SOX6: variants seen among roughly 807,000 people sequenced by gnomAD.
SOX6 encodes SRY-box transcription factor 6.
SOX6 carries 11 observed loss-of-function variants against 97.8 expected under a neutral mutation model. The ratio of observed to expected loss-of-function variants is 0.11; its 90% CI spans 0.07 to 0.19. SOX6 has a LOEUF of 0.19. SOX6 is among the 10% of genes least tolerant of loss of function. SOX6 has a pLI of 1.00. For synonymous variants in SOX6, 360 were observed against 371.4 expected (o/e 0.97, Z 0.35); for missense variants, 810 against 1,039.5 (o/e 0.78, Z 3.04).
chr11:16,257,015 A>G (rs1853712585), intron 3 of SOX6, among the ~76,000 whole-genome samples: 1 of 151,978 alleles, frequency 6.6e-6, no homozygotes, highest in East Asian at 1.9e-4. Context: ...ATATGTAAAA[A>G]TCTATATGAA....
At chr11:16,166,791 GA>G (rs1177970546) in intron 6 of SOX6, among the ~76,000 whole-genome samples, 2 of 152,068 alleles carry the variant, frequency 1.3e-5, no homozygotes, top group Non-Finnish European at 2.9e-5. Flanking sequence ...TAAATGTGAG[GA>G]AAATGGGTAT....
At chr11:16,013,457 T>C (rs1395649817) in intron 13 of SOX6, among the ~76,000 whole-genome samples, 1 of 152,010 alleles carries the variant, frequency 6.6e-6, no homozygotes, top group Non-Finnish European at 1.5e-5. Flanking sequence ...CAGAGGAACC[T>C]CAACCCTTAT....
intron 3 of SOX6, chr11:16,313,445 A>T (rs1179867589): frequency 2.0e-5 from 3 of 152,108 alleles, no homozygotes; most frequent in African/African-American, 7.2e-5. Context: ...CATGAAGTAG[A>T]TGTGAGGGAG....
At chr11:16,145,099 C>G (rs550985826) in intron 6 of SOX6, among the ~76,000 whole-genome samples, 34 of 152,310 alleles carry the variant, frequency 2.2e-4, no homozygotes, top group Non-Finnish European at 3.7e-4. Context: ...CAAAAATCCT[C>G]AATAAAATAC....
intron 6 of SOX6, among the ~76,000 whole-genome samples, chr11:16,118,883 C>T (rs1849419679): frequency 6.6e-6 from 1 of 151,910 alleles, no homozygotes; most frequent in African/African-American, 2.4e-5. Context: ...AAAATAATTC[C>T]TTATGTGATT....
At chr11:16,638,643 T>C (rs1848835165) in intron 3 of SOX6, among the ~76,000 whole-genome samples, 2 of 152,230 alleles carry the variant, frequency 1.3e-5, no homozygotes, top group South Asian at 4.1e-4. Context: ...TCATTGTGGG[T>C]TTGATATGCA....
chr11:16,081,155 G>A (rs1345743475), intron 9 of SOX6, among the ~76,000 whole-genome samples: 3 of 152,074 alleles, frequency 2.0e-5, no homozygotes, highest in South Asian at 2.1e-4. Flanking sequence ...CAATGAGGAA[G>A]CGTTTGGGCT....
At chr11:16,327,895 C>T (rs1192520186) in intron 2 of SOX6, among the ~76,000 whole-genome samples, 2 of 152,092 alleles carry the variant, frequency 1.3e-5, no homozygotes, top group Non-Finnish European at 2.9e-5. Flanking sequence ...ACTTCCCTAC[C>T]GGCTGCCCAG....
intron 6 of SOX6, among the ~76,000 whole-genome samples, chr11:16,153,026 C>A (rs1006409134): frequency 6.6e-6 from 1 of 152,152 alleles, no homozygotes; most frequent in African/African-American, 2.4e-5. Context: ...GCCATCACAT[C>A]TAGCTAATTT....
intron 4 of SOX6, among the ~76,000 whole-genome samples, chr11:16,501,378 AC>A (rs1220081560): frequency 1.3e-5 from 2 of 152,232 alleles, no homozygotes; most frequent in Admixed American, 6.5e-5. Context: ...CCTAGGCAAT[AC>A]CATTCAGGAC....
intron 2 of SOX6, among the ~76,000 whole-genome samples, chr11:16,719,685 A>T (rs973398093): frequency 6.6e-6 from 1 of 152,236 alleles, no homozygotes; most frequent in East Asian, 1.9e-4. Flanking sequence ...ACATTTTGGG[A>T]GGCCAAGGCC....
At chr11:16,722,399 T>G (rs1848273974) in intron 2 of SOX6, among the ~76,000 whole-genome samples, 1 of 152,176 alleles carries the variant, frequency 6.6e-6, no homozygotes, top group Non-Finnish European at 1.5e-5. Context: ...ACACCTGTAA[T>G]CTCAGCACTC....
intron 2 of SOX6, among the ~76,000 whole-genome samples, chr11:16,721,512 C>CTCTCTG (rs1848261995): frequency 1.9e-5 from 1 of 51,796 alleles, no homozygotes; most frequent in Non-Finnish European, 3.7e-5. Context: ...CTCTCTCTCT[C>CTCTCTG]TCTCTCTCTC....
chr11:16,703,922 T>A (rs773829421), intron 3 of SOX6, among the ~76,000 whole-genome samples: 3 of 152,182 alleles, frequency 2.0e-5, no homozygotes, highest in Non-Finnish European at 4.4e-5. Flanking sequence ...GTCTTACCAA[T>A]AATACAACTT....
At chr11:16,581,285 CATGTCCTCTGCA>C (rs1848030061) in intron 4 of SOX6, among the ~76,000 whole-genome samples, 1 of 152,108 alleles carries the variant, frequency 6.6e-6, no homozygotes, top group South Asian at 2.1e-4. Context: ...AATGAGAGAT[CATGTCCTCTGCA>C]GGGACATGGA....
intron 13 of SOX6, among the ~76,000 whole-genome samples, chr11:15,997,865 G>A (rs1168808582): frequency 6.6e-6 from 1 of 152,048 alleles, no homozygotes; most frequent in African/African-American, 2.4e-5. Flanking sequence ...GGCGGATCAC[G>A]AGGTCAGGAG....
At chr11:16,732,294 A>G (rs1286792719) in intron 2 of SOX6, among the ~76,000 whole-genome samples, 1 of 152,206 alleles carries the variant, frequency 6.6e-6, no homozygotes, top group African/African-American at 2.4e-5. Flanking sequence ...TCCTAAGCAA[A>G]AAGAACAAAG....
intron 14 of SOX6, 81 bp downstream of exon 14, chr11:15,988,916 T>C (rs1853952963): frequency 7.3e-7 from 1 of 1,370,350 alleles, no homozygotes; most frequent in African/African-American, 1.4e-5. Context: ...GGATCCTAGT[T>C]ATCCCCTTGC....
At chr11:16,584,214 G>T (rs1462476815) in intron 4 of SOX6, among the ~76,000 whole-genome samples, 1 of 152,142 alleles carries the variant, frequency 6.6e-6, no homozygotes, top group Non-Finnish European at 1.5e-5. Context: ...TGATCCCTTA[G>T]CATGCATTGG....
Sources: gnomAD v4.1 joint callset for allele counts (sites outside exome capture counted in the v4.1 genomes callset) on GRCh38, gnomAD v4.1.1 for gene constraint, MANE v1.5 for transcripts, NCBI Gene and HGNC (gene_info 2026-07-23, HGNC 2026-07-21) for gene names.